Variants in RAD51B observed in about 807,000 individuals in gnomAD.
RAD51B encodes the protein DNA repair protein RAD51 homolog 2.
Under a neutral mutation model 42.2 loss-of-function variants are expected in RAD51B, and 38 were observed. The ratio of observed to expected loss-of-function variants is 0.90; its 90% CI spans 0.70 to 1.18. RAD51B has a LOEUF of 1.18. RAD51B is among the 50% of genes most tolerant of loss of function. RAD51B has a pLI of 0.00. For synonymous variants in RAD51B, 154 were observed against 145.2 expected, an observed-to-expected ratio of 1.06 and a Z score of -0.43; for missense variants, 373 against 400.7, an observed-to-expected ratio of 0.93 and a Z score of 0.59.
At chr14:67,990,365 T>C (rs573987530) in intron 7 of RAD51B, among the ~76,000 whole-genome samples, 2 of 152,302 alleles carry the variant, frequency 1.3e-5, no homozygotes, top group South Asian at 4.1e-4. Context: ...CCAACAAAAT[T>C]CTGTAAGAAA....
At chr14:67,979,754 C>G (rs944430118) in intron 7 of RAD51B, among the ~76,000 whole-genome samples, 1 of 151,764 alleles carries the variant, frequency 6.6e-6, no homozygotes, top group Non-Finnish European at 1.5e-5. Flanking sequence ...CTTTTTTTCC[C>G]AAGTAGATAT....
intron 8 of RAD51B, among the ~76,000 whole-genome samples, chr14:68,343,407 A>G (rs1301354055): frequency 6.6e-6 from 1 of 152,240 alleles, no homozygotes; most frequent in Non-Finnish European, 1.5e-5. Flanking sequence ...CAGGTCTAAA[A>G]TATCATTGCC....
At chr14:68,184,589 G>A (rs1309602457) in intron 7 of RAD51B, among the ~76,000 whole-genome samples, 9 of 116,814 alleles carry the variant, frequency 7.7e-5, no homozygotes. Flanking sequence ...CAGCCAGGGT[G>A]ATAGAGCAAG....
chr14:68,596,152 A>G, downstream of RAD51B: 1 of 472,618 alleles, frequency 2.1e-6, no homozygotes, highest in Non-Finnish European at 2.8e-6. Flanking sequence ...GGCAAGAGGC[A>G]CAGAATATCT....
At chr14:68,496,525 C>G (rs370231146) in intron 10 of RAD51B, among the ~76,000 whole-genome samples, 1 of 152,216 alleles carries the variant, frequency 6.6e-6, no homozygotes, top group East Asian at 1.9e-4. Context: ...CTTGGTGCTC[C>G]CATGGCCTGA....
intron 7 of RAD51B, among the ~76,000 whole-genome samples, chr14:68,176,744 T>C (rs564845093): frequency 7.9e-5 from 12 of 152,288 alleles, no homozygotes; most frequent in African/African-American, 2.6e-4. Flanking sequence ...TATTCCCTGG[T>C]TCTAGAAATT....
At chr14:68,594,897 C>A (rs1483595175) in exon 11 of RAD51B, 2 of 1,091,876 alleles carry the variant, frequency 1.8e-6, no homozygotes, top group Non-Finnish European at 2.2e-6. Context: ...AGTACATTTT[C>A]TCCCTGGCTT....
At chr14:68,149,494 C>A (rs1237762903) in intron 7 of RAD51B, 1 of 152,158 alleles carries the variant, frequency 6.6e-6, no homozygotes, top group Non-Finnish European at 1.5e-5. Context: ...GTTCATTTAA[C>A]TATATTTATG....
intron 7 of RAD51B, among the ~76,000 whole-genome samples, chr14:68,268,299 A>G (rs1339260029): frequency 6.6e-6 from 1 of 152,200 alleles, no homozygotes; most frequent in Non-Finnish European, 1.5e-5. Flanking sequence ...CTGTGTATAC[A>G]TACATATCAT....
At chr14:67,938,016 T>C (rs888930907) in intron 7 of RAD51B, among the ~76,000 whole-genome samples, 1 of 152,196 alleles carries the variant, frequency 6.6e-6, no homozygotes, top group Non-Finnish European at 1.5e-5. Context: ...TATGGATTCT[T>C]GACCGAGGCT....
chr14:68,629,982 C>T (rs1171787201), intron 10 of RAD51B, among the ~76,000 whole-genome samples: 2 of 152,218 alleles, frequency 1.3e-5, no homozygotes, highest in African/African-American at 2.4e-5. Context: ...CAGGTTTGGT[C>T]CCTTCTAACA....
At chr14:68,303,095 T>A (rs2081779835) in intron 8 of RAD51B, among the ~76,000 whole-genome samples, 1 of 151,936 alleles carries the variant, frequency 6.6e-6, no homozygotes, top group African/African-American at 2.4e-5. Context: ...AATAGGGAAG[T>A]ATAAAGAAAA....
chr14:68,088,745 T>G (rs2077041942), intron 7 of RAD51B, among the ~76,000 whole-genome samples: 1 of 151,776 alleles, frequency 6.6e-6, no homozygotes, highest in Non-Finnish European at 1.5e-5. Context: ...GTGCTGGTGT[T>G]TTTTCCTGCA....
intron 7 of RAD51B, among the ~76,000 whole-genome samples, chr14:68,232,850 T>A (rs2080174806): frequency 1.3e-5 from 2 of 152,202 alleles, no homozygotes; most frequent in African/African-American, 4.8e-5. Flanking sequence ...TCTCTCCAAG[T>A]TGATTAATCA....
intron 8 of RAD51B, among the ~76,000 whole-genome samples, chr14:68,399,877 G>T (rs1247784569): frequency 6.6e-6 from 1 of 152,194 alleles, no homozygotes; most frequent in East Asian, 1.9e-4. Flanking sequence ...TTTCCAGGAT[G>T]CAGTCCAGGA....
At chr14:67,855,030 A>G (rs2041942266) in intron 4 of RAD51B, among the ~76,000 whole-genome samples, 1 of 152,140 alleles carries the variant, frequency 6.6e-6, no homozygotes, top group East Asian at 1.9e-4. Context: ...CAACACAGAG[A>G]GATGTAATAT....
At chr14:68,386,459 C>G (rs1217897795) in intron 8 of RAD51B, among the ~76,000 whole-genome samples, 1 of 152,194 alleles carries the variant, frequency 6.6e-6, no homozygotes, top group Non-Finnish European at 1.5e-5. Flanking sequence ...CTGTAAGGCA[C>G]CCACTGAATA....
chr14:68,383,602 C>G (rs575458961), intron 8 of RAD51B, among the ~76,000 whole-genome samples: 1 of 151,974 alleles, frequency 6.6e-6, no homozygotes, highest in Non-Finnish European at 1.5e-5. Flanking sequence ...AGCAGCTGAC[C>G]CTTAGGGTTG....
intron 11 of RAD51B, among the ~76,000 whole-genome samples, chr14:68,654,815 C>G (rs1411153322): frequency 1.3e-5 from 2 of 152,210 alleles, no homozygotes; most frequent in East Asian, 1.9e-4. Flanking sequence ...TTCCCAAACC[C>G]TCTCAGGCTC....
Sources: allele counts gnomAD v4.1 joint callset (sites outside exome capture counted in the v4.1 genomes callset), GRCh38; gene constraint gnomAD v4.1.1; transcripts MANE v1.5; gene names NCBI Gene and HGNC (gene_info 2026-07-23, HGNC 2026-07-21).